The following ZNF385D variants were observed in gnomAD, a reference collection of about 807,000 sequenced individuals.
ZNF385D encodes the protein zinc finger protein 659.
Under a neutral mutation model 35.8 loss-of-function variants are expected in ZNF385D, and 15 were observed. That is an observed-to-expected ratio of 0.42 (90% CI 0.28 to 0.64). The LOEUF (loss-of-function observed/expected upper bound fraction) is 0.64, where lower values mean the gene tolerates loss of function less well. Ranked by LOEUF, ZNF385D falls within the 30% of genes least tolerant of loss-of-function variation. ZNF385D has a pLI of 0.23. For synonymous variants in ZNF385D, 212 were observed against 186.8 expected, an observed-to-expected ratio of 1.13 and a Z score of -1.10; for missense variants, 474 against 494.6, an observed-to-expected ratio of 0.96 and a Z score of 0.39.
At chr3:22,369,880 G>A (rs200990460) in intron 2 of ZNF385D, among the ~76,000 whole-genome samples, 1 of 152,096 alleles carries the variant, frequency 6.6e-6, no homozygotes, top group East Asian at 1.9e-4. Flanking sequence ...TGAAGTTGGA[G>A]ATTATAAGAA....
intron 2 of ZNF385D, among the ~76,000 whole-genome samples, chr3:22,349,475 T>C (rs1695817970): frequency 6.6e-6 from 1 of 152,106 alleles, no homozygotes; most frequent in Non-Finnish European, 1.5e-5. Context: ...AAATGTACAC[T>C]GGTGATATCT....
intron 3 of ZNF385D, among the ~76,000 whole-genome samples, chr3:21,789,293 A>G (rs970300351): frequency 1.8e-4 from 27 of 152,298 alleles, no homozygotes; most frequent in African/African-American, 6.5e-4. Flanking sequence ...TGATAAATCA[A>G]CCAAGAGCAA....
chr3:21,728,674 A>G (rs959647398), intron 1 of ZNF385D, among the ~76,000 whole-genome samples: 1 of 152,142 alleles, frequency 6.6e-6, no homozygotes, highest in Admixed American at 6.5e-5. Flanking sequence ...TACAGGTGAG[A>G]AAGTGTGGTC....
chr3:21,842,259 C>T (rs1309178705), intron 3 of ZNF385D, among the ~76,000 whole-genome samples: 1 of 151,816 alleles, frequency 6.6e-6, no homozygotes, highest in African/African-American at 2.4e-5. Flanking sequence ...CTCTCTGGAA[C>T]AATAGAAATG....
chr3:21,989,871 G>A (rs1497927), intron 3 of ZNF385D, among the ~76,000 whole-genome samples: 17,341 of 152,162 alleles, frequency 0.11, 1,260 homozygotes, highest in Non-Finnish European at 0.16. Context: ...ATGTCAAGCC[G>A]TTGAGTGAGA....
chr3:22,210,627 G>A (rs1021605715), intron 2 of ZNF385D, among the ~76,000 whole-genome samples: 1 of 151,748 alleles, frequency 6.6e-6, no homozygotes, highest in African/African-American at 2.4e-5. Flanking sequence ...AATACAAACA[G>A]GATGTTTCTG....
At chr3:21,962,435 T>G (rs1702648949) in intron 3 of ZNF385D, among the ~76,000 whole-genome samples, 1 of 152,210 alleles carries the variant, frequency 6.6e-6, no homozygotes, top group African/African-American at 2.4e-5. Context: ...AATGTTAACC[T>G]TGAGGTGCCT....
intron 2 of ZNF385D, among the ~76,000 whole-genome samples, chr3:22,341,693 G>C (rs1380254967): frequency 1.3e-5 from 2 of 152,126 alleles, no homozygotes; most frequent in Non-Finnish European, 2.9e-5. Context: ...ATCTTTTGGA[G>C]GCTATAAAAT....
At chr3:22,094,198 G>T (rs1413593782) in intron 3 of ZNF385D, among the ~76,000 whole-genome samples, 1 of 149,898 alleles carries the variant, frequency 6.7e-6, no homozygotes, top group Non-Finnish European at 1.5e-5. Flanking sequence ...TTCATCTTTT[G>T]GTTGTTCATA....
At chr3:22,264,913 A>C (rs775247806) in intron 2 of ZNF385D, among the ~76,000 whole-genome samples, 64 of 151,980 alleles carry the variant, frequency 4.2e-4, no homozygotes, top group South Asian at 8.3e-4. Flanking sequence ...CCTTCAAAAG[A>C]AGCAGCCCTC....
intron 2 of ZNF385D, among the ~76,000 whole-genome samples, chr3:22,279,905 G>A (rs192267479): frequency 1.3e-3 from 197 of 151,968 alleles, no homozygotes; most frequent in African/African-American, 4.0e-3. Flanking sequence ...TCCCACCAAC[G>A]TGTAAAAGTG....
intron 3 of ZNF385D, among the ~76,000 whole-genome samples, chr3:21,524,189 G>C (rs903729018): frequency 6.6e-6 from 1 of 152,172 alleles, no homozygotes; most frequent in Non-Finnish European, 1.5e-5. Flanking sequence ...AAACACCTAA[G>C]TAAAATGTGG....
chr3:22,142,109 C>T (rs1384871581), intron 3 of ZNF385D, among the ~76,000 whole-genome samples: 1 of 152,166 alleles, frequency 6.6e-6, no homozygotes. Context: ...TTGAAAGAAC[C>T]TTGGAAAACA....
intron 2 of ZNF385D, among the ~76,000 whole-genome samples, chr3:22,244,807 G>A (rs1208583409): frequency 1.3e-5 from 2 of 150,578 alleles, no homozygotes; most frequent in Non-Finnish European, 2.9e-5. Context: ...TATTTTGGGG[G>A]AATTTTTTTC....
intron 3 of ZNF385D, among the ~76,000 whole-genome samples, chr3:21,936,484 G>A (rs1701264559): frequency 6.6e-6 from 1 of 151,662 alleles, no homozygotes; most frequent in Non-Finnish European, 1.5e-5. Context: ...CCTACTCTGT[G>A]AGATAAACAA....
In ZNF385D at chr3:21,845,367, G is replaced by A. The variant is rs181033732; in HGVS notation, c.326-180339C>T. Among the ~76,000 whole-genome samples, 214 of 152,084 alleles carry A rather than the reference G, an allele frequency of 1.4e-3. 1 individual carries two copies. The highest frequency in any genetic ancestry group is 5.8e-3 in the South Asian group (28 of 4,824). ...AGCATAAACTCAGGCATAAAAGCAC[G>A]AAGTACACAGTAGCTCCTACGACTA... On this transcript the variant is annotated intron_variant, in intron 3 of 5. Transcript: ENST00000494108.
intron 2 of ZNF385D, among the ~76,000 whole-genome samples, chr3:21,591,949 A>G (rs984070969): frequency 1.3e-5 from 2 of 152,126 alleles, no homozygotes; most frequent in Non-Finnish European, 2.9e-5. Context: ...CTGACTTCTT[A>G]GCTATTCATA....
intron 3 of ZNF385D, among the ~76,000 whole-genome samples, chr3:21,909,506 G>A (rs966672911): frequency 2.0e-5 from 3 of 152,022 alleles, no homozygotes; most frequent in African/African-American, 7.2e-5. Flanking sequence ...CAATCATTTT[G>A]TCTTTAAATA....
chr3:21,501,234 T>G (rs1706337604), intron 4 of ZNF385D, among the ~76,000 whole-genome samples: 2 of 152,200 alleles, frequency 1.3e-5, no homozygotes, highest in African/African-American at 2.4e-5. Flanking sequence ...CGGGACAGCT[T>G]CTTCCTTCTG....
Sources: gnomAD v4.1 joint callset for allele counts (sites outside exome capture counted in the v4.1 genomes callset) on GRCh38, gnomAD v4.1.1 for gene constraint, MANE v1.5 for transcripts, NCBI Gene and HGNC (gene_info 2026-07-23, HGNC 2026-07-21) for gene names.